The following AMACR variants were observed in gnomAD, a reference collection of about 807,000 sequenced individuals.
AMACR encodes 2-methylacyl-CoA racemase.
AMACR carries 18 observed loss-of-function variants against 22.2 expected under a neutral mutation model. The observed-to-expected ratio is 0.81, with a 90% confidence interval of 0.56 to 1.20. The LOEUF (loss-of-function observed/expected upper bound fraction) is 1.20. AMACR is among the 50% of genes most tolerant of loss of function. The probability of loss-of-function intolerance (pLI) is 0.00; values close to 1 mark genes in which losing one functional copy is unlikely to be tolerated. For synonymous variants in AMACR, 213 were observed against 191.3 expected (o/e 1.11, Z -0.94); for missense variants, 499 against 490.6 (o/e 1.02, Z -0.16).
chr5:33,990,296 A>G (rs1753436827), intron 4 of AMACR, among the ~76,000 whole-genome samples: 1 of 152,244 alleles, frequency 6.6e-6, no homozygotes, highest in African/African-American at 2.4e-5. Context: ...GAAACTTATT[A>G]GCCGCCAGTC....
chr5:34,004,781 T>C (rs1753923409), intron 2 of AMACR, 47 bp from the exon 3 acceptor site: 1 of 1,583,288 alleles, frequency 6.3e-7, no homozygotes, highest in South Asian at 1.1e-5. Flanking sequence ...ATTTAATCTC[T>C]TCTTAAAATA....
chr5:34,006,428 A>T (rs1303378479), intron 1 of AMACR, among the ~76,000 whole-genome samples: 1 of 152,180 alleles, frequency 6.6e-6, no homozygotes, highest in African/African-American at 2.4e-5. Flanking sequence ...TTAAGCTATC[A>T]ACAAGTATAG....
At chr5:33,994,769 CA>C (rs1244588520) in intron 4 of AMACR, among the ~76,000 whole-genome samples, 3 of 152,066 alleles carry the variant, frequency 2.0e-5, no homozygotes, top group African/African-American at 7.2e-5. Context: ...GTAAAAAAAT[CA>C]GGGGAGTTAC....
In AMACR at chr5:33,988,365, AGGAGAAATCAAACACAT is replaced by A; in HGVS notation, c.*711_*727del. On this transcript the variant is annotated 3_prime_UTR_variant, in exon 5 of 5. Transcript: ENST00000335606. ...AGATCCAGAACTTGCTACCAGCCTG[AGGAGAAATCAAACACAT>A]GGAGAAAGGAAAGCTGACAGCCCAG... 1 of 1,539,874 alleles carries A rather than the reference AGGAGAAATCAAACACAT, an allele frequency of 6.5e-7. No individual in the cohort carries two copies.
intron 4 of AMACR, among the ~76,000 whole-genome samples, chr5:33,991,957 C>A (rs1168019239): frequency 6.6e-6 from 1 of 152,130 alleles, no homozygotes; most frequent in Non-Finnish European, 1.5e-5. Context: ...CGGCTCACTG[C>A]AACCTCCACC....
intron 4 of AMACR, among the ~76,000 whole-genome samples, chr5:33,995,485 G>T (rs1345665633): frequency 6.6e-6 from 1 of 152,180 alleles, no homozygotes; most frequent in Admixed American, 6.5e-5. Context: ...TGCTAGTTTT[G>T]CTGTCACAAC....
In AMACR at chr5:33,998,681, A is replaced by G. The variant is rs1376898665; in HGVS notation, c.699T>C (p.Val233=). ...CGTAGAACTGGGGTTCTATTGCTCC[A>G]ACAGCCATGAATTCCCCATCTGCTG... ...YRTADGEFMA[V]GAIEPQFYEL... Residue 233 remains valine, a synonymous_variant, in exon 4 of 5, where the codon GTT becomes GTC. Coordinates refer to ENST00000335606, the MANE Select transcript of AMACR (RefSeq NM_014324.6). 1 of 1,613,606 alleles carries G rather than the reference A, an allele frequency of 6.2e-7. No homozygotes were observed. Among genetic ancestry groups the G allele is most frequent in the Admixed American group, 1.7e-5 (1 of 59,972 alleles).
In AMACR at chr5:34,007,996, G is replaced by T; in HGVS notation, c.24C>A (p.Val8=). The T allele has an allele frequency of 6.2e-7, 1 of 1,611,124 alleles. No homozygotes were observed. Reference sequence around the variant, plus strand: ...CCGGGGCCAGGCCGGACAGCTCCACGACCGAGATGCCCTGCAGTGCCATGG... The same window carrying T: ...CCGGGGCCAGGCCGGACAGCTCCACTACCGAGATGCCCTGCAGTGCCATGG... The part of the protein sequence containing the change: MALQGIS[V]VELSGLAPGP... The change falls in exon 1 of 5, where the codon GTC becomes GTA. Residue 8 remains valine, a synonymous_variant. Transcript: ENST00000335606.
At chr5:33,994,159 T>C (rs1753567173) in intron 4 of AMACR, 2 of 429,924 alleles carry the variant, frequency 4.7e-6, no homozygotes, top group African/African-American at 4.1e-5. Context: ...ATGTAATTAG[T>C]ACTACCTCAA....
intron 4 of AMACR, among the ~76,000 whole-genome samples, chr5:33,995,453 G>C (rs1214291230): frequency 6.6e-6 from 1 of 152,170 alleles, no homozygotes; most frequent in Non-Finnish European, 1.5e-5. Flanking sequence ...TGTGAAGAAG[G>C]GGAGAAGGAA....
intron 4 of AMACR, chr5:33,997,355 C>T: frequency 2.6e-6 from 2 of 775,622 alleles, no homozygotes; most frequent in South Asian, 2.7e-5. Context: ...GGCTTGAAAA[C>T]ATCCAACTCA....
chr5:34,005,140 A>G (rs1362287738), intron 2 of AMACR, among the ~76,000 whole-genome samples: 1 of 152,258 alleles, frequency 6.6e-6, no homozygotes, highest in African/African-American at 2.4e-5. Flanking sequence ...TGAAGAGACA[A>G]TTCTATACCC....
chr5:33,987,015 T>C lies in AMACR; in HGVS notation c.*2078A>G, dbSNP rs1052267837. The C allele has an allele frequency of 2.0e-5, 3 of 152,016 alleles. No homozygotes were observed. The highest frequency in any genetic ancestry group is 4.4e-5 in the Non-Finnish European group (3 of 68,012). 9.4% of individuals were successfully genotyped at this position (152,016 alleles called of 1,614,324 possible). On this transcript the variant is annotated 3_prime_UTR_variant, in exon 5 of 5. Transcript: ENST00000335606. ...AGGGAAAACATCTTTTTTATTATTATTATTTTTATTTATTTATTTAGAGAC... is the reference window on the plus strand; with the variant it reads ...AGGGAAAACATCTTTTTTATTATTACTATTTTTATTTATTTATTTAGAGAC...
intron 3 of AMACR, among the ~76,000 whole-genome samples, chr5:34,001,599 A>C (rs42440): frequency 0.12 from 17,870 of 152,284 alleles, 1,109 homozygotes; most frequent in East Asian, 0.17. Context: ...TTTATGCTAC[A>C]GTTAATTTAA....
intron 3 of AMACR, among the ~76,000 whole-genome samples, chr5:34,001,298 G>A (rs997499602): frequency 3.9e-5 from 6 of 152,356 alleles, no homozygotes; most frequent in South Asian, 2.1e-4. Flanking sequence ...GGTTCAGAGC[G>A]ACTAGTGTAG....
Position 33,988,494 on chromosome 5 carries a change from C to G in AMACR, c.*599G>C. 1 of 1,427,080 alleles carries G rather than the reference C, an allele frequency of 7.0e-7. No homozygotes were observed. The highest frequency in any genetic ancestry group is 9.1e-7 in the Non-Finnish European group (1 of 1,093,742). 88.4% of individuals were successfully genotyped at this position (1,427,080 alleles called of 1,614,324 possible). On this transcript the variant is annotated 3_prime_UTR_variant, in exon 5 of 5. Coordinates refer to ENST00000335606, the MANE Select transcript of AMACR (RefSeq NM_014324.6). The stretch of plus-strand genomic sequence containing the variant: ...CTCTGGACTCTACGTAGTGAGCCAA[C>G]ACATTTCCTCATTATTTTGGATATG...
intron 4 of AMACR, among the ~76,000 whole-genome samples, chr5:33,995,887 G>A (rs1753617580): frequency 6.6e-6 from 1 of 152,202 alleles, no homozygotes; most frequent in Non-Finnish European, 1.5e-5. Flanking sequence ...ATCTCAGTAA[G>A]AGCAGTGAGC....
In AMACR at chr5:34,007,821, G is replaced by C; in HGVS notation, c.199C>G (p.Arg67Gly). 2 of 1,576,898 alleles carry C rather than the reference G, an allele frequency of 1.3e-6. No homozygotes were observed. The highest frequency in any genetic ancestry group is 2.3e-5 in the East Asian group (1 of 43,334). ...LKQPRGAAVLRRLCKRSDVLL... is the reference protein window; with the variant it reads ...LKQPRGAAVLGRLCKRSDVLL... ...ACATCCGACCGCTTGCACAGACGCC[G>C]CAGCACGGCGGCTCCCCGCGGCTGC... Residue 67 changes from arginine (R) to glycine (G), a missense_variant, in exon 1 of 5, where the codon CGG (arginine) becomes GGG (glycine). Coordinates refer to ENST00000335606, the MANE Select transcript of AMACR (RefSeq NM_014324.6).
At chr5:34,000,340 A>C (rs1253393638) in intron 3 of AMACR, among the ~76,000 whole-genome samples, 1 of 152,250 alleles carries the variant, frequency 6.6e-6, no homozygotes, top group Non-Finnish European at 1.5e-5. Context: ...GTTTTAGCAG[A>C]GAGTTCTGAA....
Sources: gnomAD v4.1 joint callset for allele counts (sites outside exome capture counted in the v4.1 genomes callset) on GRCh38, gnomAD v4.1.1 for gene constraint, MANE v1.5 for transcripts, NCBI Gene and HGNC (gene_info 2026-07-23, HGNC 2026-07-21) for gene names.